The following COPG2 variants were observed in gnomAD, a reference collection of about 807,000 sequenced individuals.
The protein encoded by COPG2 is coat protein complex I subunit gamma 2, also known as coatomer subunit gamma-2.
COPG2 carries 37 observed loss-of-function variants against 46.3 expected under a neutral mutation model. The ratio of observed to expected loss-of-function variants is 0.80; its 90% CI spans 0.61 to 1.05. COPG2 has a LOEUF of 1.05. COPG2 is among the 50% of genes least tolerant of loss of function. COPG2 has a pLI of 0.00. For synonymous variants in COPG2, 159 were observed against 129.7 expected, an observed-to-expected ratio of 1.23 and a Z score of -1.53; for missense variants, 427 against 387.8, an observed-to-expected ratio of 1.10 and a Z score of -0.85.
chr7:130,546,970 G>A (rs1168272016), intron 20 of COPG2: 1 of 152,168 alleles, frequency 6.6e-6, no homozygotes, highest in African/African-American at 2.4e-5. Context: ...AACATGAGAA[G>A]AGAAGAAATC....
intron 9 of COPG2, among the ~76,000 whole-genome samples, chr7:130,577,388 G>A (rs956238490): frequency 1.1e-4 from 16 of 152,186 alleles, no homozygotes; most frequent in Non-Finnish European, 2.1e-4. Flanking sequence ...TTCCCTTTCC[G>A]AGTCAAAGAA....
Position 130,506,745 on chromosome 7 carries a change from C to A in COPG2, c.2547G>T (p.Val849=). Residue 849 remains valine (V), a synonymous_variant, in exon 24 of 24, where the codon GTG becomes GTT. Coordinates refer to ENST00000425248, the MANE Select transcript of COPG2 (RefSeq NM_012133.6). ...VRSRLALADG[V]TMQVTVRSKE... ...TACTTCTGACAGTCACCTGCATGGT[C>A]ACTCCATCGGCTAAGGCCAGCCTGG... The A allele has an allele frequency of 2.6e-6, 2 of 780,594 alleles. No individual in the cohort carries two copies. The highest frequency in any genetic ancestry group is 4.8e-5 in the East Asian group (2 of 41,242). 48.4% of individuals were successfully genotyped at this position (780,594 alleles called of 1,614,324 possible). A position where few individuals can be genotyped will look rare whatever the true frequency, so the allele number is the denominator to read the frequency against.
chr7:130,633,707 G>A (rs1795273844), intron 5 of COPG2, among the ~76,000 whole-genome samples: 1 of 152,124 alleles, frequency 6.6e-6, no homozygotes, highest in Admixed American at 6.6e-5. Context: ...TCATTGTGCA[G>A]AAGCTCTTTA....
intron 9 of COPG2, chr7:130,605,732 T>C (rs373810752): frequency 2.7e-5 from 14 of 519,890 alleles, no homozygotes; most frequent in African/African-American, 9.6e-5. Flanking sequence ...AGATTGGAAG[T>C]GGATTCTTCC....
At chr7:130,546,326 T>G (rs36183797) in intron 20 of COPG2, among the ~76,000 whole-genome samples, 1 of 152,056 alleles carries the variant, frequency 6.6e-6, no homozygotes, top group Non-Finnish European at 1.5e-5. Flanking sequence ...GCCAGCTTAA[T>G]TACTGGCTAG....
At chr7:130,579,414 T>C (rs1794086495) in intron 9 of COPG2, among the ~76,000 whole-genome samples, 1 of 149,418 alleles carries the variant, frequency 6.7e-6, no homozygotes, top group South Asian at 2.1e-4. Flanking sequence ...GTAAAGACCA[T>C]CGAGACTAGG....
intron 4 of COPG2, among the ~76,000 whole-genome samples, chr7:130,659,345 A>T (rs1403805601): frequency 6.7e-6 from 1 of 150,300 alleles, no homozygotes; most frequent in Non-Finnish European, 1.5e-5. Context: ...ACAGAGCAAG[A>T]CTCCGTCTCA....
chr7:130,557,490 C>T (rs1333207329), intron 12 of COPG2, among the ~76,000 whole-genome samples: 2 of 152,084 alleles, frequency 1.3e-5, no homozygotes, highest in Non-Finnish European at 2.9e-5. Context: ...AGCTAGACAA[C>T]TTGATACTAA....
intron 20 of COPG2, among the ~76,000 whole-genome samples, chr7:130,538,383 G>A (rs1258388059): frequency 1.3e-5 from 2 of 152,076 alleles, no homozygotes; most frequent in East Asian, 3.9e-4. Context: ...TGAAGTTGTG[G>A]GGAGCTTAGT....
At chr7:130,666,543 T>C (rs1006898621) in intron 3 of COPG2, among the ~76,000 whole-genome samples, 28 of 152,352 alleles carry the variant, frequency 1.8e-4, no homozygotes, top group African/African-American at 5.8e-4. Context: ...CAGAGCATTC[T>C]GGATTTCAGA....
chr7:130,552,315 A>G, intron 15 of COPG2, 40 bp downstream of exon 15: 2 of 398,044 alleles, frequency 5.0e-6, no homozygotes, highest in Non-Finnish European at 8.9e-6. Context: ...AACCATATAG[A>G]ATTCTTATTT....
intron 5 of COPG2, among the ~76,000 whole-genome samples, chr7:130,629,190 G>C (rs1038110350): frequency 5.9e-5 from 9 of 151,748 alleles, no homozygotes; most frequent in Non-Finnish European, 1.3e-4. Context: ...TTTTTGGGGG[G>C]GGTACCTTTA....
chr7:130,532,281 G>A lies in COPG2; in HGVS notation c.2149+15393C>T, dbSNP rs919385605. 6.6e-3 allele frequency among the ~76,000 whole-genome samples: 999 copies of A among 152,324 alleles called. 4 individuals are homozygous for A. Among genetic ancestry groups the A allele is most frequent in the Non-Finnish European group, 8.2e-3 (560 of 68,030 alleles). On this transcript the variant is annotated intron_variant, in intron 20 of 23. Transcript: ENST00000425248. The stretch of plus-strand genomic sequence containing the variant: ...CCAACGCCTCGGTCCCAGACTGGAG[G>A]ACTCAGGTGGAGGAGTGAGGCCCAG...
At chr7:130,617,715 T>A (rs936392120) in intron 5 of COPG2, among the ~76,000 whole-genome samples, 5 of 152,180 alleles carry the variant, frequency 3.3e-5, no homozygotes, top group Non-Finnish European at 7.3e-5. Context: ...TCCTCTCACA[T>A]AATCCAAAAT....
intron 9 of COPG2, among the ~76,000 whole-genome samples, chr7:130,597,387 A>G (rs140015500): frequency 6.6e-5 from 10 of 152,270 alleles, no homozygotes; most frequent in Non-Finnish European, 1.3e-4. Flanking sequence ...AAAGTTATGG[A>G]GGGGTTCTGG....
intron 5 of COPG2, among the ~76,000 whole-genome samples, chr7:130,637,844 C>G (rs1364567386): frequency 6.6e-6 from 1 of 152,132 alleles, no homozygotes; most frequent in Non-Finnish European, 1.5e-5. Context: ...CTGGTTTTTC[C>G]TCAGCCTCGT....
chr7:130,558,351 G>C (rs958451556), intron 12 of COPG2, among the ~76,000 whole-genome samples: 21 of 152,216 alleles, frequency 1.4e-4, no homozygotes, highest in Non-Finnish European at 2.1e-4. Context: ...CCTTGGTCAT[G>C]CTCCTGCCAT....
At chr7:130,590,776 T>C (rs183821143) in intron 9 of COPG2, among the ~76,000 whole-genome samples, 2,468 of 149,176 alleles carry the variant, frequency 0.017, 64 homozygotes, top group African/African-American at 0.059. Flanking sequence ...GTGAGGAGCG[T>C]CTCTGCCTGG....
intron 9 of COPG2, among the ~76,000 whole-genome samples, chr7:130,582,116 C>T (rs1297332056): frequency 2.0e-5 from 3 of 148,676 alleles, no homozygotes; most frequent in Admixed American, 6.7e-5. Context: ...GCTACAGTAA[C>T]CAAAACAGCA....
Sources: allele counts gnomAD v4.1 joint callset (sites outside exome capture counted in the v4.1 genomes callset), GRCh38; gene constraint gnomAD v4.1.1; transcripts MANE v1.5; gene names NCBI Gene and HGNC (gene_info 2026-07-23, HGNC 2026-07-21).